Variants in DPF1 observed in about 807,000 individuals in gnomAD.
DPF1 encodes the protein double PHD fingers 1.
Under a neutral mutation model 58.7 loss-of-function variants are expected in DPF1, and 14 were observed. The observed-to-expected ratio is 0.24, with a 90% CI of 0.16 to 0.37. The LOEUF (loss-of-function observed/expected upper bound fraction) is 0.37, where lower values mean the gene tolerates loss of function less well. Ranked by LOEUF, DPF1 falls within the 10% of genes least tolerant of loss-of-function variation. DPF1 has a pLI of 1.00. For missense variants in DPF1, 345 were observed against 529.9 expected (o/e 0.65, Z 3.43); for synonymous variants, 216 against 216.0 (o/e 1.00, Z 0.00).
intron 9 of DPF1, 61 bp from the exon 10 acceptor site, chr19:38,213,817 C>A: frequency 2.1e-6 from 3 of 1,424,026 alleles, no homozygotes; most frequent in South Asian, 1.2e-5. Flanking sequence ...GGGCACTGAC[C>A]GGCAGGGGAG....
intron 7 of DPF1, 117 bp downstream of exon 7, chr19:38,217,343 C>G: frequency 7.3e-7 from 1 of 1,371,082 alleles, no homozygotes; most frequent in South Asian, 1.4e-5. Flanking sequence ...GGGGAGGGAA[C>G]GGCTGAGCTG....
intron 7 of DPF1, among the ~76,000 whole-genome samples, chr19:38,216,711 C>T (rs1014164779): frequency 7.2e-5 from 11 of 152,178 alleles, no homozygotes; most frequent in East Asian, 3.8e-4. Flanking sequence ...GGATTATAAG[C>T]GTGAGCCACT....
chr19:38,224,152 C>G lies in DPF1; in HGVS notation c.-10G>C. 1 of 1,471,952 alleles carries G rather than the reference C, an allele frequency of 6.8e-7. No homozygotes were observed. The highest frequency in any genetic ancestry group is 2.7e-5 in the East Asian group (1 of 36,524). The allele number at this position is 1,471,952 out of a possible 1,614,324, so 91.2% of individuals were successfully genotyped here. A position where few individuals can be genotyped will look rare whatever the true frequency, so the allele number is the denominator to read the frequency against. ...GGATGACAGTGGCCATCTTGCTCCCCGGGTCCTGCCCCCAGCAGGTCCCCG... is the reference window on the plus strand; with the variant it reads ...GGATGACAGTGGCCATCTTGCTCCCGGGGTCCTGCCCCCAGCAGGTCCCCG... On this transcript the variant is annotated 5_prime_UTR_variant, in exon 1 of 12. Coordinates refer to ENST00000355526, the MANE Select transcript of DPF1 (RefSeq NM_001135155.3). This position sits in a 1 kb window ranked among gnomAD's most constrained non-coding sequence, Gnocchi z 4.5.
Position 38,224,062 on chromosome 19 carries a change from C to G in DPF1, c.29+52G>C, listed in dbSNP as rs925392537. The G allele has an allele frequency of 4.7e-6, 7 of 1,485,706 alleles. No individual in the cohort carries two copies. Among genetic ancestry groups the G allele is most frequent in the African/African-American group, 4.4e-5 (3 of 67,642 alleles). The allele number at this position is 1,485,706 out of a possible 1,614,324, so 92.0% of individuals were successfully genotyped here. ...CCCCCGGTCGCCACACACACACAGG[C>G]CCGCGTAGACCCGCCCGCGCTTCCT... On this transcript the variant is annotated intron_variant, in intron 1 of 11. Transcript: ENST00000355526. This position sits in a 1 kb window ranked among gnomAD's most constrained non-coding sequence, Gnocchi z 4.5.
chr19:38,217,043 C>T (rs769371527), intron 7 of DPF1, among the ~76,000 whole-genome samples: 5 of 152,208 alleles, frequency 3.3e-5, no homozygotes, highest in African/African-American at 9.7e-5. Context: ...CCTACTGCCT[C>T]TCCCAAACCC....
At chr19:38,214,939 G>A (rs1019310897) in intron 9 of DPF1, among the ~76,000 whole-genome samples, 2 of 148,368 alleles carry the variant, frequency 1.3e-5, no homozygotes, top group African/African-American at 5.0e-5. Context: ...GGGTTCAAGC[G>A]ATTCTCCTGC....
At chr19:38,212,254 C>CCCGG in intron 11 of DPF1, 26 bp downstream of exon 11, 1 of 1,072,864 alleles carries the variant, frequency 9.3e-7, no homozygotes. Context: ...CCACCCGCCC[C>CCCGG]ATGGGATGCC....
chr19:38,217,710 G>A (rs541108299), intron 6 of DPF1, 88 bp downstream of exon 6: 35 of 1,588,740 alleles, frequency 2.2e-5, no homozygotes, highest in South Asian at 2.2e-4. Context: ...CTCCCAACCC[G>A]GGTCTGGAAC....
upstream of DPF1, among the ~76,000 whole-genome samples, chr19:38,226,751 T>C (rs1276903174): frequency 6.6e-6 from 1 of 151,904 alleles, no homozygotes; most frequent in Non-Finnish European, 1.5e-5. Flanking sequence ...CACGGTGAGC[T>C]GTGACCCCAC....
At chr19:38,225,072 A>G (rs554964370), upstream of DPF1, among the ~76,000 whole-genome samples, 15 of 152,208 alleles carry the variant, frequency 9.9e-5, no homozygotes, top group Non-Finnish European at 2.2e-4. Context: ...CCAACATGGT[A>G]GTAGTCTCTA....
intron 3 of DPF1, among the ~76,000 whole-genome samples, chr19:38,221,539 C>CAAA (rs200256600): frequency 7.1e-6 from 1 of 140,596 alleles, no homozygotes. Flanking sequence ...GACTCCATCT[C>CAAA]AAAAAAAAAA....
intron 10 of DPF1, 28 bp from the exon 11 acceptor site, chr19:38,212,389 A>C (rs1600229097): frequency 3.6e-5 from 40 of 1,105,826 alleles, no homozygotes; most frequent in South Asian, 1.7e-4. Context: ...CCCAGCTGGC[A>C]CCCTGGGGGC....
At chr19:38,212,237 T>TGGGGGGGGGGGGGGGCCCCC in intron 11 of DPF1, 43 bp downstream of exon 11, 1 of 1,256,810 alleles carries the variant, frequency 8.0e-7, no homozygotes, top group South Asian at 1.4e-5. Flanking sequence ...GGAGATGGCG[T>TGGGGGGGGGGGGGGGCCCCC]TCCCACCCAC....
Position 38,222,293 on chromosome 19 carries a change from G to A in DPF1, c.298+64C>T, listed in dbSNP as rs375413164. 6 of 1,372,694 alleles carry A rather than the reference G, an allele frequency of 4.4e-6. No homozygotes were observed. Among genetic ancestry groups the A allele is most frequent in the African/African-American group, 3.1e-5 (2 of 65,432 alleles). The allele number at this position is 1,372,694 out of a possible 1,614,324, so 85.0% of individuals were successfully genotyped here. ...TTGCTAGAAGGCGATAAAGGTGATG[G>A]ACGAGTGCTAGGACACACAGCAGGC... On this transcript the variant is annotated intron_variant, in intron 3 of 11. Coordinates refer to ENST00000355526, the MANE Select transcript of DPF1 (RefSeq NM_001135155.3). The surrounding 1 kb of genome is among the most constrained non-coding windows in gnomAD (Gnocchi z 4.9).
chr19:38,212,237 T>TGGGGGGGGGGGGGGGGGGCCC, intron 11 of DPF1, 43 bp downstream of exon 11: 1 of 1,256,816 alleles, frequency 8.0e-7, no homozygotes, highest in Non-Finnish European at 1.1e-6. Context: ...GGAGATGGCG[T>TGGGGGGGGGGGGGGGGGGCCC]TCCCACCCAC....
At chr19:38,221,682 G>T (rs1466877419) in intron 3 of DPF1, among the ~76,000 whole-genome samples, 2 of 152,110 alleles carry the variant, frequency 1.3e-5, no homozygotes, top group Non-Finnish European at 2.9e-5. Flanking sequence ...GGGCATGGTG[G>T]TTCACGCCTA....
upstream of DPF1, among the ~76,000 whole-genome samples, chr19:38,225,295 G>A (rs1967768225): frequency 6.6e-6 from 1 of 151,908 alleles, no homozygotes; most frequent in South Asian, 2.1e-4. Context: ...GGCCAGGTGC[G>A]ATGGCTCCAG....
chr19:38,222,721 C>T lies in DPF1; in HGVS notation c.30-13G>A, dbSNP rs1314179713. On this transcript the variant is annotated splice_polypyrimidine_tract_variant and intron_variant, in intron 1 of 11. Coordinates refer to ENST00000355526, the MANE Select transcript of DPF1 (RefSeq NM_001135155.3). The surrounding 1 kb of genome is among the most constrained non-coding windows in gnomAD (Gnocchi z 4.9). Reference sequence around the variant, plus strand: ...GTCCTCGCCTAGGCTAGAGGGGCGGCGAACGGGCGGGCGGCTGTCAGCAAG... The same window carrying T: ...GTCCTCGCCTAGGCTAGAGGGGCGGTGAACGGGCGGGCGGCTGTCAGCAAG... 2 of 1,573,530 alleles carry T rather than the reference C, an allele frequency of 1.3e-6. No homozygotes were observed. The highest frequency in any genetic ancestry group is 1.7e-6 in the Non-Finnish European group (2 of 1,159,386).
intron 3 of DPF1, chr19:38,219,277 G>T: frequency 1.6e-6 from 1 of 607,810 alleles, no homozygotes; most frequent in Admixed American, 3.1e-5. Flanking sequence ...CAGAACTTTG[G>T]ATACACCAGA....
Sources: gnomAD v4.1 joint callset for allele counts (sites outside exome capture counted in the v4.1 genomes callset) on GRCh38, gnomAD v4.1.1 for gene constraint, Gnocchi (gnomAD v3.1) non-coding constraint, MANE v1.5 for transcripts, NCBI Gene and HGNC (gene_info 2026-07-23, HGNC 2026-07-21) for gene names.